GAK: variants seen among roughly 807,000 people sequenced by gnomAD.
GAK encodes cyclin G associated kinase.
In GAK, 79 loss-of-function variants were observed where a neutral mutation model predicts 143.9. That is an observed-to-expected ratio of 0.55 (90% CI 0.46 to 0.66). The LOEUF (loss-of-function observed/expected upper bound fraction) is 0.66. Ranked by LOEUF, GAK falls within the 30% of genes least tolerant of loss-of-function variation. The pLI, the probability that GAK is intolerant of heterozygous loss-of-function variation, is 0.00. For missense variants in GAK, 1,693 were observed against 1,779.7 expected, an observed-to-expected ratio of 0.95 and a Z score of 0.88; for synonymous variants, 881 against 765.5, an observed-to-expected ratio of 1.15 and a Z score of -2.49.
Position 877,658 on chromosome 4 carries a change from C to A in GAK, c.1813G>T (p.Asp605Tyr), listed in dbSNP as rs763455119. The A allele has an allele frequency of 1.2e-6, 2 of 1,609,134 alleles. No individual in the cohort carries two copies. The highest frequency in any genetic ancestry group is 1.7e-6 in the Non-Finnish European group (2 of 1,177,482). Residue 605 changes from aspartate to tyrosine, a missense_variant, in exon 16 of 28, where the codon GAC becomes TAC. Coordinates refer to ENST00000314167, the MANE Select transcript of GAK (RefSeq NM_005255.4). Reference protein sequence around the residue: ...CRPFCEVYVGDERVASTSQEY... With the variant: ...CRPFCEVYVGYERVASTSQEY... ...TGGGAGGTGCTGGCCACACGCTCGT[C>A]CCCCACGTAGACCTCGCAGAAGGGC...
intron 24 of GAK, among the ~76,000 whole-genome samples, chr4:857,283 G>A (rs762261668): frequency 1.5e-4 from 23 of 152,024 alleles, no homozygotes; most frequent in Non-Finnish European, 2.4e-4. Context: ...TTCCCTTTCC[G>A]GTGCTGTTTC....
In GAK at chr4:888,316, C is replaced by T. The variant is rs112260350; in HGVS notation, c.1205+531G>A. The T allele has an allele frequency of 9.9e-3, 1,526 of 154,090 alleles. 12 individuals are homozygous for T. The highest frequency in any genetic ancestry group is 0.015 in the Non-Finnish European group (1,063 of 69,282). The allele number at this position is 154,090 out of a possible 1,614,324, so 9.5% of individuals were successfully genotyped here. On this transcript the variant is annotated intron_variant, in intron 11 of 27. Coordinates refer to ENST00000314167, the MANE Select transcript of GAK (RefSeq NM_005255.4). ...TGGACCCCGCAACGCAGAGGGGCCG[C>T]ACTCTGGAACATTCCCAGTGTTCCG...
Position 932,083 on chromosome 4 carries a change from C to G in GAK, c.105G>C (p.Leu35=). ...QSDFVGQTVE[L]GELRLRVRRV... ...GCCGCACCCGCAGCCGCAGCTCGCC[C>G]AGTTCCACCGTCTGCCCCACGAAGT... The change falls in exon 1 of 28, where the codon CTG becomes CTC. Residue 35 remains leucine (L), a synonymous_variant. Coordinates refer to ENST00000314167, the MANE Select transcript of GAK (RefSeq NM_005255.4). The surrounding 1 kb of genome is among the most constrained non-coding windows in gnomAD (Gnocchi z 4.0). 1 of 1,603,666 alleles carries G rather than the reference C, an allele frequency of 6.2e-7. No homozygotes were observed. Among genetic ancestry groups the G allele is most frequent in the Non-Finnish European group, 8.5e-7 (1 of 1,176,164 alleles).
intron 24 of GAK, among the ~76,000 whole-genome samples, chr4:856,266 CA>C (rs1749136236): frequency 3.5e-5 from 5 of 144,020 alleles, no homozygotes; most frequent in African/African-American, 1.1e-4. Flanking sequence ...CAGCTGCTCA[CA>C]ACTGCTCACA....
intron 4 of GAK, among the ~76,000 whole-genome samples, chr4:906,746 C>T (rs1438361673): frequency 6.6e-6 from 1 of 152,136 alleles, no homozygotes; most frequent in Non-Finnish European, 1.5e-5. Flanking sequence ...CCCTGAAGGC[C>T]ACGACCCCTG....
Position 882,816 on chromosome 4 carries a change from A to G in GAK, c.1408T>C (p.Ser470Pro). 1 of 1,609,604 alleles carries G rather than the reference A, an allele frequency of 6.2e-7. No homozygotes were observed. Among genetic ancestry groups the G allele is most frequent in the Non-Finnish European group, 8.5e-7 (1 of 1,179,830 alleles). ...CGCCGTGCTGCCCAGCCACACTCGG[A>G]GACCTGTGGGGACAGGGCACGGTGG... ...YRPSRFHNRVSECGWAARRAP... is the reference protein window; with the variant it reads ...YRPSRFHNRVPECGWAARRAP... Residue 470 changes from serine (S) to proline (P), a missense_variant, in exon 14 of 28, where the codon TCC becomes CCC. Ser to Pro is a moderately conservative substitution (Grantham distance 74). Around this residue, in one of 2 missense-constraint regions of GAK, gnomAD observed 871 missense variants for 991.0 expected, o/e 0.88. Transcript: ENST00000314167.
At position 859,676 on chromosome 4, in the gene GAK, C is replaced by G; in HGVS notation, c.3213G>C (p.Gln1071His). ...PGGQPAPCGSQASWTKSQNPD... is the reference protein window; with the variant it reads ...PGGQPAPCGSHASWTKSQNPD... ...GGTTCTGAGACTTGGTCCAGCTGGCCTGAGAGCCACAAGGGGCCGGCTGAC... is the reference window on the plus strand; with the variant it reads ...GGTTCTGAGACTTGGTCCAGCTGGCGTGAGAGCCACAAGGGGCCGGCTGAC... Residue 1071 changes from glutamine (Q) to histidine (H), a missense_variant, in exon 24 of 28, where the codon CAG (glutamine) becomes CAC (histidine). By Grantham distance (24) the Gln-to-His change is conservative (BLOSUM62 0). Transcript: ENST00000314167. 6.2e-7 allele frequency: 1 copy of G among 1,601,862 alleles called. No individual in the cohort carries two copies. The highest frequency in any genetic ancestry group is 1.1e-5 in the South Asian group (1 of 90,800).
chr4:903,022 T>C (rs1452065740), intron 5 of GAK, among the ~76,000 whole-genome samples: 4 of 152,200 alleles, frequency 2.6e-5, no homozygotes, highest in East Asian at 1.9e-4. Flanking sequence ...GCTCAGGGCA[T>C]GGACAGCCCA....
At chr4:861,155 C>T (rs1246045520) in intron 23 of GAK, among the ~76,000 whole-genome samples, 1 of 152,180 alleles carries the variant, frequency 6.6e-6, no homozygotes, top group African/African-American at 2.4e-5. Flanking sequence ...CCTCCCTATT[C>T]CCCGAGACAC....
chr4:928,138 GC>G, intron 1 of GAK, among the ~76,000 whole-genome samples: 1 of 152,252 alleles, frequency 6.6e-6, no homozygotes, highest in East Asian at 1.9e-4. Context: ...GCTCACTGCA[GC>G]CTCCACCTCC....
intron 7 of GAK, 127 bp from the exon 8 acceptor site, chr4:894,136 G>A (rs1718257876): frequency 8.8e-7 from 1 of 1,141,596 alleles, no homozygotes; most frequent in Non-Finnish European, 1.2e-6. Flanking sequence ...GAGCCGTGGG[G>A]AGCGCAGGGG....
intron 9 of GAK, among the ~76,000 whole-genome samples, chr4:893,066 G>T (rs1717983477): frequency 1.3e-5 from 2 of 152,186 alleles, no homozygotes; most frequent in African/African-American, 4.8e-5. Flanking sequence ...TCTGTGGGGG[G>T]ATTTGGGGCT....
Position 881,913 on chromosome 4 carries a change from T to C in GAK, c.1655A>G (p.His552Arg). 1 of 1,587,988 alleles carries C rather than the reference T, an allele frequency of 6.3e-7. No homozygotes were observed. Among genetic ancestry groups the C allele is most frequent in the Non-Finnish European group, 8.6e-7 (1 of 1,166,738 alleles). ...KRCPPGIWPS[H>R]KRYIEYMCDM... is the part of the protein sequence containing the mutation. The stretch of plus-strand genomic sequence containing the variant: ...CCGGAGGGCCACGCAGTACCTTTTG[T>C]GGGATGGCCAGATGCCTGGTGGGCA... The change falls in exon 15 of 28, where the codon CAC becomes CGC. Residue 552 changes from histidine (H) to arginine (R), a missense_variant. Physicochemically the swap from His to Arg is conservative, Grantham distance 29. Around this residue, in one of 2 missense-constraint regions of GAK, gnomAD observed 871 missense variants for 991.0 expected, o/e 0.88. Coordinates refer to ENST00000314167, the MANE Select transcript of GAK (RefSeq NM_005255.4).
intron 11 of GAK, chr4:888,566 AGAGT>A (rs1264951800): frequency 2.3e-6 from 1 of 435,292 alleles, no homozygotes; most frequent in Non-Finnish European, 4.1e-6. Context: ...GGAACGCCCC[AGAGT>A]GAGGGGCGAC....
chr4:868,300 G>A (rs976129458), intron 20 of GAK, among the ~76,000 whole-genome samples: 5 of 152,198 alleles, frequency 3.3e-5, no homozygotes, highest in Non-Finnish European at 5.9e-5. Context: ...GAAGAGCGAG[G>A]GTTGTTATTT....
At chr4:930,517 C>A (rs1453891874) in intron 1 of GAK, among the ~76,000 whole-genome samples, 2 of 150,264 alleles carry the variant, frequency 1.3e-5, no homozygotes, top group African/African-American at 4.9e-5. Flanking sequence ...TTCTGCTTGG[C>A]CCCTTCCCAA....
chr4:912,792 C>T lies in GAK; in HGVS notation c.210G>A (p.Arg70=). ...TCTTTTCCTCTTCATTGGATAATAG[C>T]CTCTGTATCAGGAAACAGCACACAC... The part of the protein sequence containing the change: ...VGSGREYALK[R]LLSNEEEKNR... The change falls in exon 3 of 28, where the codon AGG becomes AGA. Residue 70 remains arginine, a splice_region_variant and synonymous_variant. Coordinates refer to ENST00000314167, the MANE Select transcript of GAK (RefSeq NM_005255.4). 2.5e-6 allele frequency: 4 copies of T among 1,612,954 alleles called. No homozygotes were observed. The highest frequency in any genetic ancestry group is 2.5e-6 in the Non-Finnish European group (3 of 1,179,248).
intron 8 of GAK, 95 bp downstream of exon 8, chr4:893,779 G>T: frequency 7.2e-7 from 1 of 1,396,482 alleles, no homozygotes; most frequent in Non-Finnish European, 9.6e-7. Flanking sequence ...AGTGGGGCCA[G>T]GTGAGCAGTG....
rs1485509027 is a variant in GAK, at chr4:883,451, G to A, written c.1268C>T (p.Pro423Leu). The A allele has an allele frequency of 2.5e-6, 4 of 1,613,514 alleles. No individual in the cohort carries two copies. Among genetic ancestry groups the A allele is most frequent in the Admixed American group, 1.7e-5 (1 of 60,022 alleles). The change falls in exon 13 of 28, where the codon CCA becomes CTA. Residue 423 changes from proline to leucine, a missense_variant. Around this residue, in one of 2 missense-constraint regions of GAK, gnomAD observed 871 missense variants for 991.0 expected, o/e 0.88. Transcript: ENST00000314167. Reference sequence around the variant, plus strand: ...GAGCGCTGACTCCACACCTTCTGCTGGGAATGACATCACTGAAACAAGCAG... The same window carrying A: ...GAGCGCTGACTCCACACCTTCTGCTAGGAATGACATCACTGAAACAAGCAG... Reference protein sequence around the residue: ...ITSRIAVMSFPAEGVESALKN... With the variant: ...ITSRIAVMSFLAEGVESALKN...
Sources: gnomAD v4.1 joint callset for allele counts (sites outside exome capture counted in the v4.1 genomes callset) on GRCh38, gnomAD v4.1.1 for gene constraint, gnomAD v4.1.1 regional missense constraint, Gnocchi (gnomAD v3.1) non-coding constraint, MANE v1.5 for transcripts, NCBI Gene and HGNC (gene_info 2026-07-23, HGNC 2026-07-21) for gene names.